JMJD1C: variants seen among roughly 807,000 people sequenced by gnomAD.
JMJD1C encodes jumonji domain containing 1C.
A neutral mutation model predicts 245.3 loss-of-function variants in JMJD1C; 31 were observed. The ratio of observed to expected loss-of-function variants is 0.13; its 90% confidence interval spans 0.09 to 0.17. The LOEUF (loss-of-function observed/expected upper bound fraction) is 0.17. Ranked by LOEUF, JMJD1C falls within the 10% of genes least tolerant of loss-of-function variation. JMJD1C has a pLI of 1.00. For missense variants in JMJD1C, 2,691 were observed against 3,000.2 expected (o/e 0.90, Z 2.41); for synonymous variants, 1,057 against 1,017.4 (o/e 1.04, Z -0.74).
At chr10:63,333,431 C>T (rs1942372110) in intron 2 of JMJD1C, among the ~76,000 whole-genome samples, 1 of 152,014 alleles carries the variant, frequency 6.6e-6, no homozygotes, top group Non-Finnish European at 1.5e-5. Context: ...TGGCTGTGGT[C>T]CCAATGACTT....
At chr10:63,475,967 G>A (rs182159489) in intron 1 of JMJD1C, among the ~76,000 whole-genome samples, 81 of 152,224 alleles carry the variant, frequency 5.3e-4, no homozygotes, top group African/African-American at 1.9e-3. Context: ...CCAGCACTTT[G>A]GGAGGCTGAA....
chr10:63,493,055 C>T (rs1013892091), intron 1 of JMJD1C, among the ~76,000 whole-genome samples: 1 of 152,082 alleles, frequency 6.6e-6, no homozygotes, highest in African/African-American at 2.4e-5. Context: ...TTCTTTCTTT[C>T]TTTCCGTTTC....
chr10:63,465,442 C>T, intron 1 of JMJD1C, 53 bp downstream of exon 1: 2 of 1,507,220 alleles, frequency 1.3e-6, no homozygotes, highest in Non-Finnish European at 8.9e-7. Context: ...GGTACGTCTG[C>T]GAGAGCCGGG....
chr10:63,215,476 G>A (rs1431510309), intron 6 of JMJD1C, 21 bp from the exon 7 acceptor site: 2 of 1,612,776 alleles, frequency 1.2e-6, no homozygotes, highest in African/African-American at 2.7e-5. Flanking sequence ...CCAATTAACA[G>A]TAATTGTTTA....
intron 1 of JMJD1C, among the ~76,000 whole-genome samples, chr10:63,402,047 T>C (rs1948889757): frequency 6.6e-6 from 1 of 151,078 alleles, no homozygotes; most frequent in Non-Finnish European, 1.5e-5. Context: ...GGAAAGAGAA[T>C]CGCTTGAACC....
At chr10:63,235,078 A>T (rs1850570777) in intron 3 of JMJD1C, among the ~76,000 whole-genome samples, 1 of 152,230 alleles carries the variant, frequency 6.6e-6, no homozygotes, top group Non-Finnish European at 1.5e-5. Context: ...CAGACTTGTA[A>T]CTTAGAAAGC....
chr10:63,469,782 T>C (rs866627384), upstream of JMJD1C, among the ~76,000 whole-genome samples: 1 of 152,178 alleles, frequency 6.6e-6, no homozygotes, highest in Non-Finnish European at 1.5e-5. Context: ...TCTTAGATTA[T>C]ATATATAGAT....
At chr10:63,409,799 C>T in intron 1 of JMJD1C, among the ~76,000 whole-genome samples, 1 of 152,058 alleles carries the variant, frequency 6.6e-6, no homozygotes, top group Non-Finnish European at 1.5e-5. Flanking sequence ...TTCATAGATG[C>T]CTGAGGTCTT....
chr10:63,376,010 C>A (rs117800382), intron 2 of JMJD1C, among the ~76,000 whole-genome samples: 1 of 152,092 alleles, frequency 6.6e-6, no homozygotes, highest in Admixed American at 6.5e-5. Context: ...AGAAAGTTGA[C>A]GGAAAAACAT....
At chr10:63,314,726 C>T (rs1440342985) in intron 2 of JMJD1C, among the ~76,000 whole-genome samples, 1 of 151,816 alleles carries the variant, frequency 6.6e-6, no homozygotes, top group Non-Finnish European at 1.5e-5. Context: ...CAGCTCACTG[C>T]CACCTCCACC....
At chr10:63,317,285 C>T (rs1940203238) in intron 2 of JMJD1C, among the ~76,000 whole-genome samples, 1 of 152,076 alleles carries the variant, frequency 6.6e-6, no homozygotes, top group Admixed American at 6.6e-5. Context: ...GTGGGCAGAT[C>T]CACGAGGTCA....
chr10:63,296,013 A>ATATATATAT (rs71025149), intron 2 of JMJD1C, among the ~76,000 whole-genome samples: 3 of 84,284 alleles, frequency 3.6e-5, no homozygotes, highest in African/African-American at 1.2e-4. Context: ...GTATATATAT[A>ATATATATAT]TTTTTTTTTT....
At chr10:63,401,137 G>A (rs1435279908) in intron 1 of JMJD1C, among the ~76,000 whole-genome samples, 3 of 152,196 alleles carry the variant, frequency 2.0e-5, no homozygotes, top group East Asian at 1.9e-4. Context: ...GGGACTACAG[G>A]CGTGAGCCAC....
Position 63,448,712 on chromosome 10 carries a change from A to G in JMJD1C, c.168+16783T>C, listed in dbSNP as rs139504538. On this transcript the variant is annotated intron_variant, in intron 1 of 25. Transcript: ENST00000399262. ...TTGACAGAGGTGAGAAATCATTTGA[A>G]GTCTATTGCAGAGAATTAAAAGAAC... Among the ~76,000 whole-genome samples, 3 of 152,384 alleles carry G rather than the reference A, an allele frequency of 2.0e-5. No homozygotes were observed. The East Asian group carries it at 5.8e-4, about 29-fold the overall frequency.
intron 2 of JMJD1C, among the ~76,000 whole-genome samples, chr10:63,349,045 G>C (rs1306539506): frequency 7.3e-6 from 1 of 136,176 alleles, no homozygotes; most frequent in African/African-American, 2.8e-5. Flanking sequence ...AGGTTGCAGT[G>C]AGCTGAGATC....
chr10:63,317,907 C>T (rs757134819), intron 2 of JMJD1C, among the ~76,000 whole-genome samples: 3 of 152,120 alleles, frequency 2.0e-5, no homozygotes, highest in African/African-American at 4.8e-5. Flanking sequence ...TGCAGTGGCA[C>T]GATCACGGCT....
At chr10:63,204,547 A>T in intron 10 of JMJD1C, 1 of 985,428 alleles carries the variant, frequency 1.0e-6, no homozygotes, top group Non-Finnish European at 1.2e-6. Flanking sequence ...ACCAAAGGAA[A>T]TGTCATATAA....
chr10:63,240,347 A>T (rs1589253765), intron 3 of JMJD1C, among the ~76,000 whole-genome samples: 1 of 152,218 alleles, frequency 6.6e-6, no homozygotes, highest in African/African-American at 2.4e-5. Context: ...AGACTGATTA[A>T]AAAAATAGGA....
intron 2 of JMJD1C, among the ~76,000 whole-genome samples, chr10:63,274,575 A>C (rs1289676078): frequency 6.6e-6 from 1 of 152,082 alleles, no homozygotes; most frequent in Admixed American, 6.6e-5. Context: ...AAAAAAAAAA[A>C]CAAAAAAGTT....
Sources: gnomAD v4.1 joint callset for allele counts (sites outside exome capture counted in the v4.1 genomes callset) on GRCh38, gnomAD v4.1.1 for gene constraint, MANE v1.5 for transcripts, NCBI Gene and HGNC (gene_info 2026-07-23, HGNC 2026-07-21) for gene names.